TAFA4: variants seen among roughly 807,000 people sequenced by gnomAD.
TAFA4 encodes the protein chemokine-like protein TAFA-4.
Under a neutral mutation model 21.1 loss-of-function variants are expected in TAFA4, and 20 were observed. The ratio of observed to expected loss-of-function variants is 0.95; its 90% CI spans 0.67 to 1.38. The LOEUF (loss-of-function observed/expected upper bound fraction) is 1.38. Ranked by LOEUF, TAFA4 falls within the 40% of genes most tolerant of loss-of-function variation. TAFA4 has a pLI of 0.00. For missense variants in TAFA4, 211 were observed against 180.9 expected (o/e 1.17, Z -0.95); for synonymous variants, 71 against 67.4 (o/e 1.05, Z -0.26).
chr3:68,875,558 T>G (rs1012177119), intron 3 of TAFA4, among the ~76,000 whole-genome samples: 1 of 152,158 alleles, frequency 6.6e-6, no homozygotes, highest in African/African-American at 2.4e-5. Context: ...ATAGATTTAC[T>G]GAAATAACCA....
At chr3:68,800,783 G>A (rs986483342) in intron 3 of TAFA4, among the ~76,000 whole-genome samples, 5 of 152,178 alleles carry the variant, frequency 3.3e-5, no homozygotes, top group African/African-American at 4.8e-5. Context: ...GTTCTTCTAC[G>A]TGTGCATATT....
intron 3 of TAFA4, among the ~76,000 whole-genome samples, chr3:68,770,668 T>C (rs965342334): frequency 1.3e-5 from 2 of 152,170 alleles, no homozygotes; most frequent in African/African-American, 4.8e-5. Context: ...GGGATGATGA[T>C]GGAGGCACAT....
intron 3 of TAFA4, among the ~76,000 whole-genome samples, chr3:68,828,803 T>C (rs921256419): frequency 2.0e-5 from 3 of 152,218 alleles, no homozygotes; most frequent in African/African-American, 7.2e-5. Context: ...TTTCTAAATA[T>C]ACAATCGTGT....
At chr3:68,924,327 CA>C (rs1303846156) in intron 1 of TAFA4, among the ~76,000 whole-genome samples, 1 of 152,192 alleles carries the variant, frequency 6.6e-6, no homozygotes, top group Non-Finnish European at 1.5e-5. Flanking sequence ...ACACATGCTA[CA>C]ACATGGATGA....
intron 3 of TAFA4, among the ~76,000 whole-genome samples, chr3:68,831,219 A>T (rs1704382622): frequency 6.6e-6 from 1 of 152,116 alleles, no homozygotes; most frequent in South Asian, 2.1e-4. Context: ...TGTGAATTTG[A>T]TCCTGTCATT....
intron 1 of TAFA4, among the ~76,000 whole-genome samples, chr3:68,912,483 A>C (rs1171612567): frequency 1.3e-5 from 2 of 152,102 alleles, no homozygotes; most frequent in Non-Finnish European, 2.9e-5. Context: ...TTGGGTTTTT[A>C]TTTTTTGCTG....
At chr3:68,856,333 T>C (rs138855020) in intron 3 of TAFA4, among the ~76,000 whole-genome samples, 3 of 152,288 alleles carry the variant, frequency 2.0e-5, no homozygotes, top group South Asian at 2.1e-4. Flanking sequence ...ATTTGTGTCA[T>C]TTTTAAATTA....
chr3:68,752,916 C>A lies in TAFA4; in HGVS notation c.233G>T (p.Cys78Phe). The A allele has an allele frequency of 1.2e-6, 2 of 1,614,084 alleles. No individual in the cohort carries two copies. The highest frequency in any genetic ancestry group is 2.2e-5 in the East Asian group (1 of 44,860). Residue 78 changes from cysteine (C) to phenylalanine (F), a missense_variant, in exon 4 of 6, where the codon TGC becomes TTC. Transcript: ENST00000295569. ...TGTGCCCGCCACCTGTCCCGGGAAG[C>A]AAGAGCACTTGACCGTTTGTGACCG... ...EERSQTVKCSCFPGQVAGTTR... is the reference protein window; with the variant it reads ...EERSQTVKCSFFPGQVAGTTR...
chr3:68,758,897 G>A (rs1467014921), intron 3 of TAFA4, among the ~76,000 whole-genome samples: 10 of 152,196 alleles, frequency 6.6e-5, no homozygotes, highest in Non-Finnish European at 2.9e-5. Context: ...TGGAGAAAAA[G>A]AGAAGTATTT....
intron 3 of TAFA4, among the ~76,000 whole-genome samples, chr3:68,801,393 A>G (rs1490995815): frequency 6.6e-6 from 1 of 152,218 alleles, no homozygotes; most frequent in African/African-American, 2.4e-5. Flanking sequence ...ATATAGGTCC[A>G]GGTTAAGAAC....
In TAFA4 at chr3:68,904,972, G is replaced by A. The variant is rs10510972; in HGVS notation, c.-122-19662C>T. ...GGAGATGTAACATGAGGTAACACAG[G>A]TGGCTGCTACCCATAACCAAATGCG... On this transcript the variant is annotated intron_variant, in intron 1 of 5. Transcript: ENST00000295569. Among the ~76,000 whole-genome samples the A allele has an allele frequency of 5.5e-3, 843 of 152,168 alleles. 13 individuals carry two copies. Among genetic ancestry groups the A allele is most frequent in the African/African-American group, 0.02 (810 of 41,496 alleles).
At chr3:68,752,522 A>G (rs556735401) in intron 4 of TAFA4, among the ~76,000 whole-genome samples, 1 of 152,286 alleles carries the variant, frequency 6.6e-6, no homozygotes, top group Non-Finnish European at 1.5e-5. Context: ...TCATGCTGCT[A>G]ATTTTGAGTA....
rs115000788 is a variant in TAFA4 at position 68,774,874 on chromosome 3, A to G, written c.131-21856T>C. On this transcript the variant is annotated intron_variant, in intron 3 of 5. Coordinates refer to ENST00000295569, the MANE Select transcript of TAFA4 (RefSeq NM_182522.5). ...AGGAAATTGTGTAGCTAAAATTTAT[A>G]AAAATAAAAATAAAGTCAAAACATA... 6.8e-3 allele frequency among the ~76,000 whole-genome samples: 1,040 copies of G among 152,336 alleles called. 8 individuals carry two copies. The highest frequency in any genetic ancestry group is 0.024 in the African/African-American group (994 of 41,570).
At position 68,897,490 on chromosome 3, in the gene TAFA4, G is replaced by T. The variant is rs147148056; in HGVS notation, c.-122-12180C>A. 5.4e-3 allele frequency among the ~76,000 whole-genome samples: 815 copies of T among 152,028 alleles called. 3 individuals carry two copies. The highest frequency in any genetic ancestry group is 0.019 in the African/African-American group (774 of 41,482). On this transcript the variant is annotated intron_variant, in intron 1 of 5. Coordinates refer to ENST00000295569, the MANE Select transcript of TAFA4 (RefSeq NM_182522.5). ...AAAATACAAAAATTAGCCGGGCATGGTGGTACATGCCTGTAATCCCAGCTA... is the reference window on the plus strand; with the variant it reads ...AAAATACAAAAATTAGCCGGGCATGTTGGTACATGCCTGTAATCCCAGCTA...
At chr3:68,931,878 G>T (rs1047659606) in intron 1 of TAFA4, among the ~76,000 whole-genome samples, 4 of 152,178 alleles carry the variant, frequency 2.6e-5, no homozygotes, top group Admixed American at 6.5e-5. Context: ...CCAGAAAAGA[G>T]CTCACGGTGA....
At chr3:68,765,701 A>G (rs1012930851) in intron 3 of TAFA4, among the ~76,000 whole-genome samples, 5 of 152,230 alleles carry the variant, frequency 3.3e-5, no homozygotes, top group African/African-American at 1.2e-4. Context: ...AAAGGAAAAC[A>G]TAAGATCTGA....
intron 3 of TAFA4, among the ~76,000 whole-genome samples, chr3:68,834,890 G>C (rs529371619): frequency 6.6e-6 from 1 of 152,070 alleles, no homozygotes; most frequent in Admixed American, 6.6e-5. Flanking sequence ...ACCTCCCAAT[G>C]AGTCTCTGTT....
intron 1 of TAFA4, among the ~76,000 whole-genome samples, chr3:68,902,825 AG>A (rs372821625): frequency 7.5e-4 from 115 of 152,352 alleles, no homozygotes; most frequent in African/African-American, 2.7e-3. Context: ...AACAAGAAGC[AG>A]GCCTGTTCAT....
In TAFA4 at chr3:68,809,519, ATTTTTTT is replaced by A. The variant is rs200107940; in HGVS notation, c.131-56508_131-56502del. On this transcript the variant is annotated intron_variant, in intron 3 of 5. Coordinates refer to ENST00000295569, the MANE Select transcript of TAFA4 (RefSeq NM_182522.5). ...TATTATTAATGTCTCCACTATGTTG[ATTTTTTT>A]TTTTTTTTTTTTTGCCGTGCAGAAG... Among the ~76,000 whole-genome samples the A allele has an allele frequency of 3.0e-4, 38 of 127,128 alleles. 1 individual carries two copies. The highest frequency in any genetic ancestry group is 1.1e-3 in the African/African-American group (36 of 33,392). The allele number at this position is 127,128 out of a possible 152,430, so 83.4% of individuals were successfully genotyped here. A position where few individuals can be genotyped will look rare whatever the true frequency, so the allele number is the denominator to read the frequency against.
Sources: allele counts gnomAD v4.1 joint callset (sites outside exome capture counted in the v4.1 genomes callset), GRCh38; gene constraint gnomAD v4.1.1; transcripts MANE v1.5; gene names NCBI Gene and HGNC (gene_info 2026-07-23, HGNC 2026-07-21).